PCDHA2: variants seen among roughly 807,000 people sequenced by gnomAD.
PCDHA2 encodes the protein protocadherin alpha-2.
Under a neutral mutation model 66.0 loss-of-function variants are expected in PCDHA2, and 58 were observed. That is an observed-to-expected ratio of 0.88 (90% CI 0.71 to 1.09). The LOEUF (loss-of-function observed/expected upper bound fraction) is 1.09. Ranked by LOEUF, PCDHA2 falls within the 50% of genes least tolerant of loss-of-function variation. The pLI is 0.00. For missense variants in PCDHA2, 1,267 were observed against 1,242.3 expected (o/e 1.02, Z -0.30); for synonymous variants, 634 against 554.0 (o/e 1.14, Z -2.03).
chr5:140,936,079 G>T (rs1341534865), intron 1 of PCDHA2, among the ~76,000 whole-genome samples: 2 of 152,008 alleles, frequency 1.3e-5, no homozygotes, highest in African/African-American at 4.8e-5. Context: ...TTTTAGTAGA[G>T]ACAGGGTTTC....
chr5:140,842,333 G>A, intron 1 of PCDHA2: 2 of 1,608,106 alleles, frequency 1.2e-6, no homozygotes, highest in South Asian at 2.2e-5. Flanking sequence ...CACCGTTTTA[G>A]TGAGAATTTT....
intron 1 of PCDHA2, among the ~76,000 whole-genome samples, chr5:140,955,262 C>CT (rs1165777806): frequency 1.3e-5 from 2 of 152,044 alleles, no homozygotes; most frequent in African/African-American, 2.4e-5. Flanking sequence ...TATAAAGGCT[C>CT]TTTTTTGGTT....
intron 1 of PCDHA2, among the ~76,000 whole-genome samples, chr5:140,959,554 A>G (rs1375729843): frequency 6.6e-6 from 1 of 152,210 alleles, no homozygotes; most frequent in Non-Finnish European, 1.5e-5. Context: ...TATAAATAGA[A>G]TCAGTACTAG....
At chr5:140,858,363 C>G in intron 1 of PCDHA2, 1 of 1,591,358 alleles carries the variant, frequency 6.3e-7, no homozygotes, top group Non-Finnish European at 8.6e-7. Flanking sequence ...GCCTTCAGCC[C>G]CAGCCTTCCA....
chr5:140,921,581 T>C (rs1199851100), intron 1 of PCDHA2, among the ~76,000 whole-genome samples: 1 of 152,210 alleles, frequency 6.6e-6, no homozygotes, highest in Non-Finnish European at 1.5e-5. Flanking sequence ...GAGCTCATAC[T>C]ATATTATGGT....
chr5:140,828,152 C>CT (rs1562294206), intron 1 of PCDHA2: 6 of 1,614,028 alleles, frequency 3.7e-6, no homozygotes, highest in Non-Finnish European at 4.2e-6. Flanking sequence ...GCTTCTGCTC[C>CT]TCGCAGCCTG....
At position 140,951,559 on chromosome 5, in the gene PCDHA2, G is replaced by A. The variant is rs545470803; in HGVS notation, c.2389-27390G>A. On this transcript the variant is annotated intron_variant, in intron 1 of 3. Transcript: ENST00000526136. ...AGCAAGGGACGGGGGGAAGTGCTAC[G>A]CACTTTTAAACAACCAGATTTCACG... 1.6e-4 allele frequency among the ~76,000 whole-genome samples: 25 copies of A among 152,040 alleles called. No individual in the cohort carries two copies. The South Asian group carries it at 5.2e-3, about 32-fold the overall frequency.
At chr5:140,918,889 A>C (rs1057244376) in intron 1 of PCDHA2, among the ~76,000 whole-genome samples, 5 of 152,218 alleles carry the variant, frequency 3.3e-5, no homozygotes, top group African/African-American at 4.8e-5. Context: ...GAACAGTGAA[A>C]AATAAATCTC....
chr5:140,824,938 G>A (rs1474426433), intron 1 of PCDHA2: 1 of 151,940 alleles, frequency 6.6e-6, no homozygotes, highest in Non-Finnish European at 1.5e-5. Flanking sequence ...TTTGATAATT[G>A]TAATTTAAAA....
At chr5:140,825,682 A>G (rs1414447242) in intron 1 of PCDHA2, 3 of 152,198 alleles carry the variant, frequency 2.0e-5, no homozygotes, top group African/African-American at 7.2e-5. Flanking sequence ...TCGGCCTCCC[A>G]AAGTGCTGGG....
chr5:140,799,532 T>C (rs1762442276), intron 1 of PCDHA2, among the ~76,000 whole-genome samples: 1 of 152,104 alleles, frequency 6.6e-6, no homozygotes, highest in South Asian at 2.1e-4. Context: ...TACTTCTTCA[T>C]AATATAGCAC....
chr5:140,889,080 A>G (rs2062092798), intron 1 of PCDHA2, among the ~76,000 whole-genome samples: 1 of 151,888 alleles, frequency 6.6e-6, no homozygotes, highest in Non-Finnish European at 1.5e-5. Flanking sequence ...ATTTTGTTAA[A>G]TTTTCAAAAC....
At chr5:140,827,939 G>C (rs1769462392) in intron 1 of PCDHA2, 2 of 1,144,136 alleles carry the variant, frequency 1.7e-6, no homozygotes, top group South Asian at 3.1e-5. Flanking sequence ...GTTATAGCTA[G>C]CCAACATTCA....
rs199746737 is a variant in PCDHA2 at position 140,822,067 on chromosome 5, A to T, written c.2388+24715A>T. 1.9e-4 allele frequency: 311 copies of T among 1,614,078 alleles called. No individual in the cohort carries two copies. Among genetic ancestry groups the T allele is most frequent in the Non-Finnish European group, 2.4e-4 (286 of 1,180,038 alleles). On this transcript the variant is annotated intron_variant, in intron 1 of 3. Transcript: ENST00000526136. ...CGACCGGGAGGAGCTGTGCCGGCGGAGGGCGGAGTGCAGCATCCACCTGGA... is the reference window on the plus strand; with the variant it reads ...CGACCGGGAGGAGCTGTGCCGGCGGTGGGCGGAGTGCAGCATCCACCTGGA...
chr5:140,797,493 A>G lies in PCDHA2; in HGVS notation c.2388+141A>G, dbSNP rs868910741. ...GTGCGATTTTGAATATGAATTAGAG[A>G]TCAATTTATTGCATTTACTGAACAA... On this transcript the variant is annotated intron_variant, in intron 1 of 3. Transcript: ENST00000526136. 151 of 977,194 alleles carry G rather than the reference A, an allele frequency of 1.5e-4. No individual in the cohort carries two copies. In the Middle Eastern group the frequency reaches 3.7e-3, roughly 24 times the overall value. 60.5% of individuals were successfully genotyped at this position (977,194 alleles called of 1,614,324 possible). A position where few individuals can be genotyped will look rare whatever the true frequency, so the allele number is the denominator to read the frequency against.
chr5:140,952,192 G>T (rs572613863), intron 1 of PCDHA2, among the ~76,000 whole-genome samples: 3 of 152,080 alleles, frequency 2.0e-5, no homozygotes, highest in Non-Finnish European at 4.4e-5. Context: ...TCATGGGTTG[G>T]TGTTGAATGC....
rs190376919 is a variant in PCDHA2 at position 140,840,629 on chromosome 5, G to A, written c.2388+43277G>A. Among the ~76,000 whole-genome samples, 4 of 152,140 alleles carry A rather than the reference G, an allele frequency of 2.6e-5. No homozygotes were observed. The East Asian group carries it at 7.7e-4, about 29-fold the overall frequency. On this transcript the variant is annotated intron_variant, in intron 1 of 3. Coordinates refer to ENST00000526136, the MANE Select transcript of PCDHA2 (RefSeq NM_018905.3). ...GAGAGGCTGAATTTAACAAGCTATA[G>A]AGATATAGAGAAATAGTGTAAAGAA...
chr5:140,925,570 A>G (rs531387558), intron 1 of PCDHA2, among the ~76,000 whole-genome samples: 1 of 152,008 alleles, frequency 6.6e-6, no homozygotes, highest in African/African-American at 2.4e-5. Flanking sequence ...TGGGTGCAGC[A>G]CACCAACATG....
chr5:140,835,289 C>T, intron 1 of PCDHA2: 1 of 1,612,382 alleles, frequency 6.2e-7, no homozygotes, highest in Non-Finnish European at 8.5e-7. Flanking sequence ...GTGGGGCAAT[C>T]ACAGTGATAG....
Sources: allele counts gnomAD v4.1 joint callset (sites outside exome capture counted in the v4.1 genomes callset), GRCh38; gene constraint gnomAD v4.1.1; transcripts MANE v1.5; gene names NCBI Gene and HGNC (gene_info 2026-07-23, HGNC 2026-07-21).